The following PUDP variants were observed in gnomAD, a reference collection of about 807,000 sequenced individuals.
PUDP encodes the protein pseudouridine 5'-phosphatase.
PUDP carries 8 observed loss-of-function variants against 9.4 expected under a neutral mutation model. That is an observed-to-expected ratio of 0.85 (90% confidence interval 0.50 to 1.53). The LOEUF (loss-of-function observed/expected upper bound fraction) is 1.53. Ranked by LOEUF, PUDP falls within the 40% of genes most tolerant of loss-of-function variation. The pLI, the probability that PUDP is intolerant of heterozygous loss-of-function variation, is 0.00. For synonymous variants in PUDP, 99 were observed against 80.7 expected (o/e 1.23, Z -1.22); for missense variants, 188 against 189.7 (o/e 0.99, Z 0.05).
intron 2 of PUDP, among the ~76,000 whole-genome samples, chrX:7,077,776 G>A (rs190287849): frequency 1.8e-5 from 2 of 112,852 alleles, no homozygotes; most frequent in African/African-American, 6.4e-5. Flanking sequence ...AGCAGGCCCA[G>A]GAGGTGACTG....
In PUDP at chrX:6,729,300, T is replaced by C. The variant is rs745908425; in HGVS notation, c.*248-22834A>G. On this transcript the variant is annotated intron_variant and NMD_transcript_variant, in intron 3 of 3. Coordinates refer to the PUDP transcript ENST00000655425. The stretch of plus-strand genomic sequence containing the variant: ...CAACAGAATGCAGCCATTTGTCTCT[T>C]ATCTACCCATGACCTGGGAGCCCTG... Among the ~76,000 whole-genome samples, 10 of 111,758 alleles carry C rather than the reference T, an allele frequency of 8.9e-5. No individual in the cohort carries two copies. In the East Asian group the frequency reaches 1.4e-3, roughly 16 times the overall value.
At chrX:6,784,721 A>G (rs1257244729) in intron 3 of PUDP, among the ~76,000 whole-genome samples, 1 of 112,308 alleles carries the variant, frequency 8.9e-6, no homozygotes, top group Non-Finnish European at 1.9e-5. Context: ...TTAACATGTT[A>G]TCTATCCAAA....
chrX:6,768,211 G>A (rs1341701037), intron 3 of PUDP, among the ~76,000 whole-genome samples: 4 of 111,792 alleles, frequency 3.6e-5, no homozygotes, highest in Non-Finnish European at 5.6e-5. Context: ...GTTACAGTGA[G>A]GGGTTGTGGG....
At chrX:7,088,097 T>G (rs1485926459) in intron 2 of PUDP, among the ~76,000 whole-genome samples, 1 of 111,930 alleles carries the variant, frequency 8.9e-6, no homozygotes, top group Admixed American at 9.5e-5. Context: ...GATCAAATAA[T>G]AAAAATTAAA....
At chrX:6,850,937 C>T (rs1926818040) in intron 3 of PUDP, among the ~76,000 whole-genome samples, 1 of 111,970 alleles carries the variant, frequency 8.9e-6, no homozygotes, top group Non-Finnish European at 1.9e-5. Context: ...ATAGTGTAGC[C>T]TCCTTAGGGA....
At chrX:6,771,052 C>T (rs1463718781) in intron 3 of PUDP, among the ~76,000 whole-genome samples, 1 of 111,778 alleles carries the variant, frequency 8.9e-6, no homozygotes, top group East Asian at 2.8e-4. Context: ...TCTATGCAAA[C>T]TCCTCAGTCA....
intron 3 of PUDP, among the ~76,000 whole-genome samples, chrX:6,860,857 A>AT (rs944375281): frequency 8.9e-6 from 1 of 112,528 alleles, no homozygotes; most frequent in Admixed American, 9.4e-5. Context: ...TATTAATGAC[A>AT]TATCATGATT....
intron 3 of PUDP, among the ~76,000 whole-genome samples, chrX:6,889,084 G>A (rs1306951763): frequency 1.8e-5 from 2 of 111,907 alleles, no homozygotes; most frequent in Non-Finnish European, 3.8e-5. Context: ...AATTACCCAG[G>A]ACACACACTG....
chrX:6,860,037 A>G (rs1356182667), intron 3 of PUDP, among the ~76,000 whole-genome samples: 3 of 112,314 alleles, frequency 2.7e-5, no homozygotes, highest in African/African-American at 9.7e-5. Context: ...TATAAACCCT[A>G]TTTTGCAGAT....
At position 6,940,306 on chromosome X, in the gene PUDP, A is replaced by T. The variant is rs369852902; in HGVS notation, c.*247+36827T>A. ...GGCTTTTTTCACACTACAATGACGG[A>T]ATTGAGAAGTGGCGACAAGGACCAT... On this transcript the variant is annotated intron_variant and NMD_transcript_variant, in intron 3 of 3. Transcript: ENST00000655425. Among the ~76,000 whole-genome samples the T allele has an allele frequency of 1.1e-4, 13 of 113,115 alleles. No homozygotes were observed. The South Asian group carries it at 2.2e-3, about 19-fold the overall frequency.
intron 3 of PUDP, among the ~76,000 whole-genome samples, chrX:6,786,674 T>C (rs1019752450): frequency 1.8e-5 from 2 of 111,483 alleles, no homozygotes; most frequent in East Asian, 2.8e-4. Flanking sequence ...GATTAAACTA[T>C]CCAATCTGCT....
At chrX:6,904,802 T>C (rs932085826) in intron 3 of PUDP, among the ~76,000 whole-genome samples, 4 of 112,456 alleles carry the variant, frequency 3.6e-5, no homozygotes, top group African/African-American at 1.3e-4. Flanking sequence ...AGAAGCCCTG[T>C]GGATGGTGTC....
intron 3 of PUDP, among the ~76,000 whole-genome samples, chrX:6,789,949 TAGATAGAAAG>T (rs1219642444): frequency 6.2e-4 from 57 of 91,506 alleles, no homozygotes; most frequent in African/African-American, 2.2e-3. Context: ...AGATAGAACA[TAGATAGAAAG>T]AGATAGATAA....
intron 3 of PUDP, among the ~76,000 whole-genome samples, chrX:6,809,358 C>T (rs953218745): frequency 9.1e-5 from 10 of 109,628 alleles, no homozygotes; most frequent in Admixed American, 1.9e-4. Flanking sequence ...AGTACAGTGG[C>T]GCGATCATAG....
At chrX:6,908,045 G>A (rs1173785334) in intron 3 of PUDP, among the ~76,000 whole-genome samples, 3 of 112,120 alleles carry the variant, frequency 2.7e-5, no homozygotes, top group Non-Finnish European at 5.6e-5. Context: ...AGACTCTAGC[G>A]ACCTGCGAGG....
rs893982247 is a variant in PUDP at position 7,073,844 on chromosome X, T to C, written c.510+3376A>G. 1.3e-4 allele frequency among the ~76,000 whole-genome samples: 15 copies of C among 113,290 alleles called. No homozygotes were observed. The East Asian group carries it at 4.1e-3, about 31-fold the overall frequency. The stretch of plus-strand genomic sequence containing the variant: ...AATAAGGAAAATGTTTAGAACTTTC[T>C]AAAAGCTAAATGACTTTTAAAAAAT... On this transcript the variant is annotated intron_variant, in intron 3 of 3. Coordinates refer to ENST00000381077, the MANE Select transcript of PUDP (RefSeq NM_012080.5).
chrX:7,067,218 G>T (rs1469358209), intron 3 of PUDP, among the ~76,000 whole-genome samples: 1 of 112,151 alleles, frequency 8.9e-6, no homozygotes, highest in African/African-American at 3.2e-5. Context: ...AGGGCCTCAT[G>T]CCTCTAATTT....
intron 3 of PUDP, among the ~76,000 whole-genome samples, chrX:6,939,920 A>AC (rs1928375441): frequency 8.9e-6 from 1 of 112,328 alleles, no homozygotes; most frequent in Non-Finnish European, 1.9e-5. Flanking sequence ...TAGCTGTTAA[A>AC]GAAGGAATCC....
At chrX:6,734,008 C>T (rs1043998575) in intron 3 of PUDP, among the ~76,000 whole-genome samples, 1 of 110,227 alleles carries the variant, frequency 9.1e-6, no homozygotes, top group African/African-American at 3.3e-5. Flanking sequence ...GAACTCCTGA[C>T]CTCAAATGAT....
Sources: allele counts gnomAD v4.1 joint callset (sites outside exome capture counted in the v4.1 genomes callset), GRCh38; gene constraint gnomAD v4.1.1; transcripts MANE v1.5; gene names NCBI Gene and HGNC (gene_info 2026-07-23, HGNC 2026-07-21).